CAMSAP2: variants seen among roughly 807,000 people sequenced by gnomAD.
CAMSAP2 encodes calmodulin-regulated spectrin-associated protein 2.
CAMSAP2 carries 26 observed loss-of-function variants against 146.1 expected under a neutral mutation model. The observed-to-expected ratio is 0.18, with a 90% confidence interval of 0.13 to 0.25. CAMSAP2 has a LOEUF of 0.25. CAMSAP2 is among the 10% of genes least tolerant of loss of function. CAMSAP2 has a pLI of 1.00. For missense variants in CAMSAP2, 1,381 were observed against 1,759.3 expected (o/e 0.78, Z 3.85); for synonymous variants, 499 against 596.6 (o/e 0.84, Z 2.38).
At chr1:200,821,700 C>T (rs1044426695) in intron 4 of CAMSAP2, among the ~76,000 whole-genome samples, 3 of 152,152 alleles carry the variant, frequency 2.0e-5, no homozygotes, top group Non-Finnish European at 1.5e-5. Context: ...TACCTTTTCT[C>T]TTTCATAATA....
At chr1:200,816,594 C>CAA (rs1316338918) in intron 4 of CAMSAP2, among the ~76,000 whole-genome samples, 2,233 of 92,710 alleles carry the variant, frequency 0.024, 95 homozygotes, top group Non-Finnish European at 0.04. Context: ...AACTTCATCT[C>CAA]AAAAAAAAAA....
intron 15 of CAMSAP2, 79 bp downstream of exon 15, chr1:200,856,204 T>C: frequency 1.0e-6 from 1 of 991,888 alleles, no homozygotes; most frequent in Non-Finnish European, 1.6e-6. Context: ...GAAAATTTTA[T>C]TGGCTCACCT....
chr1:200,817,187 C>CATATAAGTGTGTGTGTAT lies in CAMSAP2; in HGVS notation c.645+1544_645+1545insTATAAGTGTGTGTGTATA, dbSNP rs1558192103. ...ACACGTGTGTGTATATACACACACACACATGTGTGTGTGTATACACACATA... is the reference window on the plus strand; with the variant it reads ...ACACGTGTGTGTATATACACACACACATATAAGTGTGTGTGTATACATGTGTGTGTGTATACACACATA... On this transcript the variant is annotated intron_variant, in intron 4 of 16. Transcript: ENST00000358823. Among the ~76,000 whole-genome samples the CATATAAGTGTGTGTGTAT allele has an allele frequency of 2.9e-3, 206 of 71,574 alleles. 3 individuals carry two copies. The highest frequency in any genetic ancestry group is 3.5e-3 in the East Asian group (5 of 1,420). The allele number at this position is 71,574 out of a possible 152,430, so 47.0% of individuals were successfully genotyped here.
chr1:200,854,929 A>G (rs1667711108), intron 14 of CAMSAP2, 40 bp downstream of exon 14: 2 of 1,386,100 alleles, frequency 1.4e-6, no homozygotes, highest in Non-Finnish European at 2.0e-6. Flanking sequence ...AGAAAAGAAT[A>G]TAGTACCTGC....
At chr1:200,751,535 C>CAA (rs35294926) in intron 1 of CAMSAP2, among the ~76,000 whole-genome samples, 695 of 40,882 alleles carry the variant, frequency 0.017, 12 homozygotes, top group Non-Finnish European at 0.018. Context: ...GACTCCATCT[C>CAA]AAAAAAAAAA....
intron 2 of CAMSAP2, among the ~76,000 whole-genome samples, chr1:200,764,964 C>T (rs750223209): frequency 1.3e-5 from 2 of 151,818 alleles, no homozygotes; most frequent in Non-Finnish European, 2.9e-5. Context: ...ATTAGCTGGG[C>T]GTGATGGCAG....
intron 4 of CAMSAP2, among the ~76,000 whole-genome samples, chr1:200,826,156 C>T (rs373812650): frequency 5.9e-5 from 9 of 152,144 alleles, no homozygotes; most frequent in South Asian, 4.1e-4. Flanking sequence ...AATGGCTGGG[C>T]GTGGTGGCTC....
chr1:200,745,498 T>C (rs1664296979), intron 1 of CAMSAP2, among the ~76,000 whole-genome samples: 1 of 152,234 alleles, frequency 6.6e-6, no homozygotes, highest in South Asian at 2.1e-4. Flanking sequence ...TAGTTCACCC[T>C]TTTTAAAATA....
intron 4 of CAMSAP2, among the ~76,000 whole-genome samples, chr1:200,823,352 A>G (rs561602902): frequency 3.3e-5 from 5 of 152,324 alleles, no homozygotes; most frequent in African/African-American, 9.6e-5. Context: ...AGATAGTACA[A>G]CTTCACCCAG....
chr1:200,815,533 A>C (rs768015579), intron 3 of CAMSAP2, 28 bp from the exon 4 acceptor site: 2 of 1,210,304 alleles, frequency 1.7e-6, no homozygotes, highest in Admixed American at 5.3e-5. Context: ...AAGAATAAAA[A>C]TTCAAACTGA....
intron 2 of CAMSAP2, among the ~76,000 whole-genome samples, chr1:200,789,675 A>G (rs756109786): frequency 2.0e-4 from 30 of 152,196 alleles, no homozygotes; most frequent in Non-Finnish European, 3.4e-4. Flanking sequence ...CTTTAGATCA[A>G]TTCATCAATA....
chr1:200,758,379 A>G (rs1430932627), intron 1 of CAMSAP2, among the ~76,000 whole-genome samples: 2 of 152,216 alleles, frequency 1.3e-5, no homozygotes, highest in African/African-American at 2.4e-5. Flanking sequence ...CTGTTCTACT[A>G]ATAGTTTCTG....
intron 2 of CAMSAP2, among the ~76,000 whole-genome samples, chr1:200,795,730 G>A (rs16847224): frequency 0.13 from 20,429 of 152,120 alleles, 1,428 homozygotes; most frequent in East Asian, 0.17. Context: ...TCATTGGGTA[G>A]TGTGATTATT....
chr1:200,742,019 C>A (rs769825995), intron 1 of CAMSAP2, among the ~76,000 whole-genome samples: 4 of 152,192 alleles, frequency 2.6e-5, no homozygotes, highest in African/African-American at 4.8e-5. Context: ...TGGAACACTG[C>A]TGTTAGATAC....
chr1:200,855,934 G>C, intron 14 of CAMSAP2, 76 bp from the exon 15 acceptor site: 1 of 948,088 alleles, frequency 1.1e-6, no homozygotes, highest in South Asian at 1.5e-5. Flanking sequence ...GATTTTGATT[G>C]TTACTTTCAC....
chr1:200,814,418 T>G (rs1316255487), intron 3 of CAMSAP2, among the ~76,000 whole-genome samples: 1 of 151,332 alleles, frequency 6.6e-6, no homozygotes, highest in Non-Finnish European at 1.5e-5. Flanking sequence ...ACCAGCCTGG[T>G]CAACATTGTG....
At chr1:200,744,570 G>A (rs930493285) in intron 1 of CAMSAP2, among the ~76,000 whole-genome samples, 1 of 152,174 alleles carries the variant, frequency 6.6e-6, no homozygotes, top group Admixed American at 6.5e-5. Context: ...TATGATAAAT[G>A]TATAACCACA....
At chr1:200,851,610 T>A (rs1488909128) in intron 11 of CAMSAP2, among the ~76,000 whole-genome samples, 2 of 152,244 alleles carry the variant, frequency 1.3e-5, no homozygotes, top group Non-Finnish European at 2.9e-5. Context: ...GAATGGTATC[T>A]TCTGACTTTC....
At chr1:200,754,820 G>A (rs1664604929) in intron 1 of CAMSAP2, among the ~76,000 whole-genome samples, 1 of 152,108 alleles carries the variant, frequency 6.6e-6, no homozygotes, top group African/African-American at 2.4e-5. Context: ...CTGACCTTGT[G>A]ATCTGCCTGC....
Sources: allele counts gnomAD v4.1 joint callset (sites outside exome capture counted in the v4.1 genomes callset), GRCh38; gene constraint gnomAD v4.1.1; transcripts MANE v1.5; gene names NCBI Gene and HGNC (gene_info 2026-07-23, HGNC 2026-07-21).